TEDC2: variants seen among roughly 807,000 people sequenced by gnomAD.
The protein encoded by TEDC2 is tubulin epsilon and delta complex 2.
Under a neutral mutation model 48.1 loss-of-function variants are expected in TEDC2, and 49 were observed. That is an observed-to-expected ratio of 1.02 (90% CI 0.81 to 1.29). The LOEUF is 1.29. TEDC2 is among the 50% of genes most tolerant of loss of function. The pLI, the probability that TEDC2 is intolerant of heterozygous loss-of-function variation, is 0.00. For missense variants in TEDC2, 631 were observed against 571.4 expected (o/e 1.10, Z -1.06); for synonymous variants, 299 against 247.1 (o/e 1.21, Z -1.97).
chr16:2,460,946 G>A lies in TEDC2; in HGVS notation c.327G>A (p.Arg109=). Reference sequence around the variant, plus strand: ...ACAAGGCCCCCAGCCTGAAATCTAGGTCCATTGTCACCTCTTCTGGCACGA... The same window carrying A: ...ACAAGGCCCCCAGCCTGAAATCTAGATCCATTGTCACCTCTTCTGGCACGA... ...ERDKAPSLKS[R]SIVTSSGTTA... The change falls in exon 4 of 10, where the codon AGG becomes AGA. Residue 109 remains arginine, a synonymous_variant. Coordinates refer to ENST00000361837, the MANE Select transcript of TEDC2 (RefSeq NM_025108.3). 6.2e-7 allele frequency: 1 copy of A among 1,613,524 alleles called. No homozygotes were observed. Among genetic ancestry groups the A allele is most frequent in the South Asian group, 1.1e-5 (1 of 91,086 alleles).
Position 2,464,772 on chromosome 16 carries a change from T to G in TEDC2, c.*104T>G. On this transcript the variant is annotated 3_prime_UTR_variant, in exon 10 of 10. Transcript: ENST00000361837. ...GATGCCTGTGCTTCCCTGGGAAACC[T>G]GGTGAACTGGACCAGGTGGCCTCAC... 6.8e-7 allele frequency: 1 copy of G among 1,481,026 alleles called. No individual in the cohort carries two copies. The highest frequency in any genetic ancestry group is 9.2e-7 in the Non-Finnish European group (1 of 1,092,206). 91.7% of individuals were successfully genotyped at this position (1,481,026 alleles called of 1,614,324 possible).
rs544744371 is a variant in TEDC2, at chr16:2,464,102, G to A, written c.1028G>A (p.Cys343Tyr). 6.1e-4 allele frequency: 976 copies of A among 1,612,924 alleles called. 15 individuals are homozygous for A. In the South Asian group the frequency reaches 8.7e-3, roughly 14 times the overall value. ...VGRPPGASPS[C>Y]GGRAEPAWSP... The stretch of plus-strand genomic sequence containing the variant: ...AGGCCCCCCGGAGCCTCGCCGTCCT[G>A]TGGGGGTAGAGCGGAGCCTGCATGG... Residue 343 changes from cysteine to tyrosine, a missense_variant, in exon 9 of 10, where the codon TGT (cysteine) becomes TAT (tyrosine). Transcript: ENST00000361837.
chr16:2,462,997 G>A (rs993501192), intron 8 of TEDC2, among the ~76,000 whole-genome samples: 11 of 152,240 alleles, frequency 7.2e-5, no homozygotes, highest in Non-Finnish European at 1.5e-4. Context: ...ATTGCTCTGA[G>A]CAGTTGCTTA....
At chr16:2,463,103 T>C (rs990606326) in intron 8 of TEDC2, among the ~76,000 whole-genome samples, 20 of 148,012 alleles carry the variant, frequency 1.4e-4, no homozygotes, top group East Asian at 4.1e-4. Flanking sequence ...GGGTGGATCA[T>C]GAGGTCAGGA....
Position 2,464,912 on chromosome 16 carries a change from C to T in TEDC2, c.*244C>T. 1.8e-6 allele frequency: 1 copy of T among 558,370 alleles called. No homozygotes were observed. Among genetic ancestry groups the T allele is most frequent in the Admixed American group, 3.4e-5 (1 of 29,548 alleles). The allele number at this position is 558,370 out of a possible 1,614,324, so 34.6% of individuals were successfully genotyped here. A position where few individuals can be genotyped will look rare whatever the true frequency, so the allele number is the denominator to read the frequency against. The stretch of plus-strand genomic sequence containing the variant: ...TTTCCTGGCTCCCTCTGTTTTCTCT[C>T]ACTGTAGACCAAAGAGCCGCTTGTG... On this transcript the variant is annotated 3_prime_UTR_variant, in exon 10 of 10. Transcript: ENST00000361837.
chr16:2,464,309 C>A (rs779939753), intron 9 of TEDC2, 80 bp downstream of exon 9: 9 of 1,490,584 alleles, frequency 6.0e-6, no homozygotes, highest in East Asian at 2.4e-5. Context: ...GACTGCTCCA[C>A]CCCCCAGGAC....
chr16:2,464,458 G>A, intron 9 of TEDC2, 64 bp from the exon 10 acceptor site: 2 of 1,479,254 alleles, frequency 1.4e-6, no homozygotes. Context: ...CTCGAAGCCT[G>A]TCCCAGGATT....
rs1053503388 is a variant in TEDC2 at position 2,461,102 on chromosome 16, G to A, written c.483G>A (p.Gly161=). 2 of 1,588,006 alleles carry A rather than the reference G, an allele frequency of 1.3e-6. No homozygotes were observed. The highest frequency in any genetic ancestry group is 3.4e-5 in the Admixed American group (2 of 58,172). ...CTGAGCGCCGGCTGCTGTCAGTGGG[G>A]GATGGGACCCGTGTTGGGATGGGAG... ...GHPERRLLSV[G]DGTRVGMGAR... is the part of the protein sequence containing the mutation. The change falls in exon 4 of 10, where the codon GGG becomes GGA. Residue 161 remains glycine (G), a synonymous_variant. Coordinates refer to ENST00000361837, the MANE Select transcript of TEDC2 (RefSeq NM_025108.3).
At chr16:2,464,497 T>TGGCCC (rs2065487785) in intron 9 of TEDC2, 25 bp from the exon 10 acceptor site, 1 of 1,534,468 alleles carries the variant, frequency 6.5e-7, no homozygotes, top group Non-Finnish European at 8.7e-7. Context: ...CCTGAGACCT[T>TGGCCC]GGCCCTGCCC....
rs748454684 is a variant in TEDC2 at position 2,461,119 on chromosome 16, G to A, written c.500G>A (p.Gly167Glu). The change falls in exon 4 of 10, where the codon GGG becomes GAG. Residue 167 changes from glycine to glutamate, a missense_variant. Transcript: ENST00000361837. ...TCAGTGGGGGATGGGACCCGTGTTG[G>A]GATGGGAGCCCGAACCCCCAGGCCT... ...LLSVGDGTRV[G>E]MGARTPRPGA... 6.4e-7 allele frequency: 1 copy of A among 1,572,166 alleles called. No homozygotes were observed. Among genetic ancestry groups the A allele is most frequent in the Non-Finnish European group, 8.6e-7 (1 of 1,157,218 alleles).
At position 2,464,605 on chromosome 16, in the gene TEDC2, C is replaced by G. The variant is rs370848577; in HGVS notation, c.1239C>G (p.His413Gln). ...GGCTGGCCCTGTGCCGGGCTGTGCACAGCCTGCTCTGCGAGGGAGGAGCAC... is the reference window on the plus strand; with the variant it reads ...GGCTGGCCCTGTGCCGGGCTGTGCAGAGCCTGCTCTGCGAGGGAGGAGCAC... ...PPWLALCRAV[H>Q]SLLCEGGARV... The change falls in exon 10 of 10, where the codon CAC (histidine) becomes CAG (glutamine). Residue 413 changes from histidine (H) to glutamine (Q), a missense_variant. By Grantham distance (24) the His-to-Gln change is conservative (BLOSUM62 0). Coordinates refer to ENST00000361837, the MANE Select transcript of TEDC2 (RefSeq NM_025108.3). 107 of 1,611,770 alleles carry G rather than the reference C, an allele frequency of 6.6e-5. No individual in the cohort carries two copies. The highest frequency in any genetic ancestry group is 8.9e-5 in the Non-Finnish European group (105 of 1,179,958).
Position 2,464,863 on chromosome 16 carries a change from G to A in TEDC2, c.*195G>A, listed in dbSNP as rs1004594255. 4.2e-6 allele frequency: 3 copies of A among 706,932 alleles called. No homozygotes were observed. The highest frequency in any genetic ancestry group is 3.6e-5 in the African/African-American group (2 of 55,258). 43.8% of individuals were successfully genotyped at this position (706,932 alleles called of 1,614,324 possible). The stretch of plus-strand genomic sequence containing the variant: ...GCTTTCAGCCTTCCTAAGGCTCCTG[G>A]ACTCCAGAGGCCAGCGGGGAGCCTT... On this transcript the variant is annotated 3_prime_UTR_variant, in exon 10 of 10. Coordinates refer to ENST00000361837, the MANE Select transcript of TEDC2 (RefSeq NM_025108.3).
rs373045764 is a variant in TEDC2 at position 2,462,459 on chromosome 16, G to A, written c.795G>A (p.Ala265=). 8.7e-6 allele frequency: 14 copies of A among 1,611,328 alleles called. No homozygotes were observed. Among genetic ancestry groups the A allele is most frequent in the South Asian group, 2.2e-5 (2 of 90,964 alleles). The part of the protein sequence containing the change: ...QPRLSAVEVE[A]EAGRLRKACS... Reference sequence around the variant, plus strand: ...GGCTCAGTGCTGTGGAGGTGGAGGCGGAGGCGGGGCGCCTGCGGAAGGCCT... The same window carrying A: ...GGCTCAGTGCTGTGGAGGTGGAGGCAGAGGCGGGGCGCCTGCGGAAGGCCT... The change falls in exon 7 of 10, where the codon GCG becomes GCA. Residue 265 remains alanine (A), a synonymous_variant. Transcript: ENST00000361837.
rs761740496 is a variant in TEDC2 at position 2,460,860 on chromosome 16, AC to A, written c.244del (p.Gln82ArgfsTer25). 1.2e-6 allele frequency: 2 copies of A among 1,613,368 alleles called. No homozygotes were observed. The highest frequency in any genetic ancestry group is 1.7e-6 in the Non-Finnish European group (2 of 1,179,952). The part of the protein sequence containing the change: ...PQDLKELEFL[T>X]QALEKAVRVR... ...AGACCTCAAAGAGTTGGAGTTTCTG[AC>A]CCAGGCACTGGAGAAGGCTGTACGA... On this transcript the variant is annotated frameshift_variant, in exon 4 of 10. Coordinates refer to ENST00000361837, the MANE Select transcript of TEDC2 (RefSeq NM_025108.3). LOFTEE classifies it high-confidence loss of function.
In TEDC2 at chr16:2,462,267, T is replaced by TG. The variant is rs530849196; in HGVS notation, c.750+33dup. On this transcript the variant is annotated intron_variant, in intron 6 of 9. Transcript: ENST00000361837. ...ATCCTTGCTGGGCTTGTGGGAGCCC[T>TG]GGGGGCCTCTAGCTCTGAACCTGGC... is the stretch of plus-strand genomic sequence containing the variant. 6.1e-5 allele frequency: 98 copies of TG among 1,610,830 alleles called. No homozygotes were observed. The African/African-American group carries it at 1.2e-3, about 19-fold the overall frequency.
In TEDC2 at chr16:2,461,715, G is replaced by A. The variant is rs759572492; in HGVS notation, c.606-32G>A. The A allele has an allele frequency of 2.8e-5, 45 of 1,612,448 alleles. No homozygotes were observed. In the African/African-American group the frequency reaches 2.9e-4, roughly 11 times the overall value. The stretch of plus-strand genomic sequence containing the variant: ...GGACTTGTAGACCCCAGAGCAAGGC[G>A]ATGCTCCTCTGAACACGGGCTTCTC... On this transcript the variant is annotated intron_variant, in intron 4 of 9. Coordinates refer to ENST00000361837, the MANE Select transcript of TEDC2 (RefSeq NM_025108.3).
At chr16:2,460,462 G>C (rs948416434) in intron 2 of TEDC2, 81 bp downstream of exon 2, 24 of 1,509,848 alleles carry the variant, frequency 1.6e-5, no homozygotes, top group East Asian at 4.9e-5. Flanking sequence ...CTGGGAGACC[G>C]GGCGCAGCCG....
At position 2,461,128 on chromosome 16, in the gene TEDC2, C is replaced by A; in HGVS notation, c.509C>A (p.Ala170Asp). ...GATGGGACCCGTGTTGGGATGGGAGCCCGAACCCCCAGGCCTGGGGCGGGC... is the reference window on the plus strand; with the variant it reads ...GATGGGACCCGTGTTGGGATGGGAGACCGAACCCCCAGGCCTGGGGCGGGC... Reference protein sequence around the residue: ...VGDGTRVGMGARTPRPGAGLR... With the variant: ...VGDGTRVGMGDRTPRPGAGLR... The change falls in exon 4 of 10, where the codon GCC becomes GAC. Residue 170 changes from alanine (A) to aspartate (D), a missense_variant. Coordinates refer to ENST00000361837, the MANE Select transcript of TEDC2 (RefSeq NM_025108.3). 6.4e-7 allele frequency: 1 copy of A among 1,564,202 alleles called. No homozygotes were observed. The highest frequency in any genetic ancestry group is 1.2e-5 in the South Asian group (1 of 83,764).
chr16:2,461,653 G>A, intron 4 of TEDC2, 94 bp from the exon 5 acceptor site: 1 of 1,491,842 alleles, frequency 6.7e-7, no homozygotes, highest in Non-Finnish European at 9.3e-7. Flanking sequence ...AGAGGGGCAA[G>A]AAGCCTCATC....
Sources: gnomAD v4.1 joint callset for allele counts (sites outside exome capture counted in the v4.1 genomes callset) on GRCh38, gnomAD v4.1.1 for gene constraint, MANE v1.5 for transcripts, NCBI Gene and HGNC (gene_info 2026-07-23, HGNC 2026-07-21) for gene names.